ROPN1: variants seen among roughly 807,000 people sequenced by gnomAD.
The protein encoded by ROPN1 is rhophilin associated tail protein 1.
ROPN1 carries 14 observed loss-of-function variants against 20.5 expected under a neutral mutation model. That is an observed-to-expected ratio of 0.68 (90% CI 0.45 to 1.07). The LOEUF (loss-of-function observed/expected upper bound fraction) is 1.07, where lower values mean the gene tolerates loss of function less well. Ranked by LOEUF, ROPN1 falls within the 50% of genes least tolerant of loss-of-function variation. ROPN1 has a pLI of 0.00. For missense variants in ROPN1, 169 were observed against 242.8 expected, an observed-to-expected ratio of 0.70 and a Z score of 2.02; for synonymous variants, 76 against 95.7, an observed-to-expected ratio of 0.79 and a Z score of 1.20.
chr3:123,979,229 G>A, intron 2 of ROPN1: 2 of 349,810 alleles, frequency 5.7e-6, no homozygotes, highest in Admixed American at 4.0e-5. Flanking sequence ...GCACAGCACT[G>A]GCCCAGAGAC....
intron 4 of ROPN1, among the ~76,000 whole-genome samples, chr3:123,973,075 T>C (rs1165800701): frequency 6.6e-6 from 1 of 152,096 alleles, no homozygotes; most frequent in Non-Finnish European, 1.5e-5. Context: ...TCCACCCTCA[T>C]GACCCAATCA....
chr3:123,969,711 A>G (rs893786695), intron 5 of ROPN1, among the ~76,000 whole-genome samples: 1 of 152,200 alleles, frequency 6.6e-6, no homozygotes, highest in Non-Finnish European at 1.5e-5. Flanking sequence ...AGGGGGGCTT[A>G]TAAATACACA....
In ROPN1 at chr3:123,981,858, A is replaced by G. The variant is rs1489873021; in HGVS notation, c.-12-1365T>C. ...GAAAAGTTATAACAGTAATGTAACC[A>G]CTAAATCTGTAGAGAGGAAAAAAGG... is the stretch of plus-strand genomic sequence containing the variant. On this transcript the variant is annotated intron_variant, in intron 1 of 5. Transcript: ENST00000405845. 2.6e-5 allele frequency among the ~76,000 whole-genome samples: 4 copies of G among 152,350 alleles called. No homozygotes were observed. In the South Asian group the frequency reaches 6.2e-4, roughly 24 times the overall value.
Position 123,986,018 on chromosome 3 carries a change from A to AAAAT in ROPN1, c.-12-5526_-12-5525insATTT, listed in dbSNP as rs201340337. ...AAAAAAAAAAAAAAAAAAAAAAAAAATCAAAATATTTAAATTATACTTGAA... is the reference window on the plus strand; with the variant it reads ...AAAAAAAAAAAAAAAAAAAAAAAAAAAAATTCAAAATATTTAAATTATACTTGAA... On this transcript the variant is annotated intron_variant, in intron 1 of 5. Transcript: ENST00000405845. Among the ~76,000 whole-genome samples the AAAAT allele has an allele frequency of 1.1e-3, 101 of 93,980 alleles. 25 individuals are homozygous for AAAAT. The Middle Eastern group carries it at 0.025, about 24-fold the overall frequency. 61.7% of individuals were successfully genotyped at this position (93,980 alleles called of 152,430 possible).
intron 1 of ROPN1, among the ~76,000 whole-genome samples, chr3:123,986,018 A>AAAAAAAAAAAAAAT (rs201340337): frequency 0.011 from 991 of 93,956 alleles, 277 homozygotes; most frequent in East Asian, 0.054. Flanking sequence ...AAAAAAAAAA[A>AAAAAAAAAAAAAAT]TCAAAATATT....
In ROPN1 at chr3:123,969,179, T is replaced by C. The variant is rs764923208; in HGVS notation, c.615A>G (p.Gln205=). 1 of 1,614,144 alleles carries C rather than the reference T, an allele frequency of 6.2e-7. No homozygotes were observed. The highest frequency in any genetic ancestry group is 8.5e-7 in the Non-Finnish European group (1 of 1,179,964). ...TTTACTCCAGCTGAACCCTGGGGTT[T>C]TGGGTAAAGTCATTCACTGTGATTA... ...DGIITVNDFT[Q]NPRVQLE Residue 205 remains glutamine, a synonymous_variant, in exon 6 of 6, where the codon CAA becomes CAG. Transcript: ENST00000405845.
In ROPN1 at chr3:123,969,211, C is replaced by G. The variant is rs1559819869; in HGVS notation, c.583G>C (p.Asp195His). ...NYMEQEVIGP[D>H]GIITVNDFTQ... The stretch of plus-strand genomic sequence containing the variant: ...AAGTCATTCACTGTGATTATACCAT[C>G]AGGGCCAATTCTGTTTGGAAAAAGG... Residue 195 changes from aspartate (D) to histidine (H), a missense_variant, in exon 6 of 6, where the codon GAT becomes CAT. Physicochemically the swap from Asp to His is moderately conservative, Grantham distance 81 (BLOSUM62 -1). Coordinates refer to ENST00000405845, the MANE Select transcript of ROPN1 (RefSeq NM_001317774.2). 6.2e-7 allele frequency: 1 copy of G among 1,613,684 alleles called. No homozygotes were observed. The highest frequency in any genetic ancestry group is 1.3e-5 in the African/African-American group (1 of 75,034).
intron 4 of ROPN1, chr3:123,974,555 C>T (rs534835179): frequency 6.6e-6 from 1 of 152,262 alleles, no homozygotes; most frequent in South Asian, 2.1e-4. Context: ...TTGAGAAGAA[C>T]AAGATTATGT....
chr3:123,990,812 C>T (rs1296949170), intron 1 of ROPN1, among the ~76,000 whole-genome samples: 2 of 152,176 alleles, frequency 1.3e-5, no homozygotes, highest in Non-Finnish European at 2.9e-5. Context: ...CATATACCTG[C>T]CAAGTGCTGA....
chr3:123,988,656 G>A (rs2038325861), intron 1 of ROPN1, among the ~76,000 whole-genome samples: 1 of 152,266 alleles, frequency 6.6e-6, no homozygotes. Flanking sequence ...AAGCACTCTT[G>A]ACTGTGAGGC....
chr3:123,980,568 T>A, intron 1 of ROPN1, 75 bp from the exon 2 acceptor site: 1 of 1,352,944 alleles, frequency 7.4e-7, no homozygotes. Flanking sequence ...GGACAGGAGG[T>A]CACCCAGCCT....
chr3:123,986,256 A>T (rs2038254202), intron 1 of ROPN1, among the ~76,000 whole-genome samples: 1 of 151,342 alleles, frequency 6.6e-6, no homozygotes, highest in African/African-American at 2.4e-5. Context: ...CTTTATATAT[A>T]TTATTTACTT....
intron 2 of ROPN1, chr3:123,979,773 T>A (rs1483928381): frequency 2.9e-6 from 1 of 349,946 alleles, no homozygotes; most frequent in Non-Finnish European, 5.6e-6. Context: ...ACAAAATCAG[T>A]TCAGAGAAAC....
intron 2 of ROPN1, among the ~76,000 whole-genome samples, chr3:123,977,859 G>T (rs2038055891): frequency 6.6e-6 from 1 of 152,174 alleles, no homozygotes. Context: ...TTCTGTTTCA[G>T]GACTGGCATA....
At chr3:123,981,031 T>G (rs2038136912) in intron 1 of ROPN1, among the ~76,000 whole-genome samples, 1 of 152,204 alleles carries the variant, frequency 6.6e-6, no homozygotes, top group Admixed American at 6.5e-5. Context: ...TACAGCTGCA[T>G]GTTCTTTTCC....
At chr3:123,981,573 C>A (rs1464068998) in intron 1 of ROPN1, 1 of 153,832 alleles carries the variant, frequency 6.5e-6, no homozygotes, top group Non-Finnish European at 1.5e-5. Context: ...CGCCTACAGG[C>A]AGGGGTAAGC....
chr3:123,980,236 A>G (rs1024794942), intron 2 of ROPN1, 130 bp downstream of exon 2: 1 of 791,704 alleles, frequency 1.3e-6, no homozygotes, highest in African/African-American at 1.7e-5. Context: ...AAGCAATGCA[A>G]GAGCTAAAAC....
At chr3:123,988,365 T>C (rs1356882372) in intron 1 of ROPN1, among the ~76,000 whole-genome samples, 4 of 152,112 alleles carry the variant, frequency 2.6e-5, no homozygotes, top group Non-Finnish European at 5.9e-5. Flanking sequence ...AGGCTGACAA[T>C]CAGGTCAGAA....
intron 1 of ROPN1, 93 bp from the exon 2 acceptor site, chr3:123,980,586 A>T (rs1409335882): frequency 2.5e-6 from 3 of 1,182,936 alleles, no homozygotes; most frequent in Non-Finnish European, 3.6e-6. Context: ...CCTCTGTTTG[A>T]CACTCAATTT....
Sources: gnomAD v4.1 joint callset for allele counts (sites outside exome capture counted in the v4.1 genomes callset) on GRCh38, gnomAD v4.1.1 for gene constraint, MANE v1.5 for transcripts, NCBI Gene and HGNC (gene_info 2026-07-23, HGNC 2026-07-21) for gene names.